Variants in PTPRD observed in about 807,000 individuals in gnomAD.
The protein encoded by PTPRD is protein tyrosine phosphatase receptor type D.
PTPRD carries 34 observed loss-of-function variants against 214.5 expected under a neutral mutation model. The ratio of observed to expected loss-of-function variants is 0.16; its 90% CI spans 0.12 to 0.21. The LOEUF (loss-of-function observed/expected upper bound fraction) is 0.21. Ranked by LOEUF, PTPRD falls within the 10% of genes least tolerant of loss-of-function variation. The pLI is 1.00. For synonymous variants in PTPRD, 1,128 were observed against 845.7 expected (o/e 1.33, Z -5.79); for missense variants, 2,545 against 2,398.7 (o/e 1.06, Z -1.27).
intron 3 of PTPRD, among the ~76,000 whole-genome samples, chr9:10,131,031 A>T (rs116296414): frequency 1.3e-5 from 2 of 152,310 alleles, no homozygotes; most frequent in African/African-American, 4.8e-5. Context: ...GTATAAGGTG[A>T]TACTAGTGTC....
chr9:9,764,592 C>T (rs963631079), intron 6 of PTPRD, among the ~76,000 whole-genome samples: 2 of 151,846 alleles, frequency 1.3e-5, no homozygotes, highest in Admixed American at 6.6e-5. Flanking sequence ...CAGCTGATTA[C>T]AGAAATGGAA....
At chr9:8,488,928 C>T (rs1427242048) in intron 27 of PTPRD, among the ~76,000 whole-genome samples, 1 of 150,568 alleles carries the variant, frequency 6.6e-6, no homozygotes, top group Non-Finnish European at 1.5e-5. Context: ...ACAGATTAAA[C>T]ATATTTATTA....
At chr9:10,345,756 T>G (rs2097065477) in intron 2 of PTPRD, among the ~76,000 whole-genome samples, 1 of 152,216 alleles carries the variant, frequency 6.6e-6, no homozygotes, top group Non-Finnish European at 1.5e-5. Context: ...GTAGAATGAT[T>G]TGTAATCCTT....
intron 6 of PTPRD, among the ~76,000 whole-genome samples, chr9:9,750,690 C>A (rs1014396450): frequency 2.0e-5 from 3 of 152,032 alleles, no homozygotes; most frequent in African/African-American, 7.2e-5. Flanking sequence ...CATAAGAAAT[C>A]TTAAATAAGT....
At chr9:9,150,889 G>A (rs10122529) in intron 10 of PTPRD, among the ~76,000 whole-genome samples, 10,143 of 152,160 alleles carry the variant, frequency 0.067, 607 homozygotes, top group East Asian at 0.21. Flanking sequence ...TCCTTGGGGC[G>A]GCCTGTTGAT....
intron 5 of PTPRD, among the ~76,000 whole-genome samples, chr9:9,785,760 T>C (rs1413143993): frequency 1.3e-5 from 2 of 152,146 alleles, no homozygotes; most frequent in Non-Finnish European, 2.9e-5. Flanking sequence ...CCAGTGTTAA[T>C]TATACAATTG....
chr9:9,741,831 A>T lies in PTPRD; in HGVS notation c.-325-7260T>A, dbSNP rs1246162252. ...TAGTATTCCATGGTGTATATGTACC[A>T]CATTTTCTTTATCCAGTCTATCATT... On this transcript the variant is annotated intron_variant, in intron 6 of 45. Coordinates refer to ENST00000381196, the MANE Select transcript of PTPRD (RefSeq NM_002839.4). Among the ~76,000 whole-genome samples the T allele has an allele frequency of 2.0e-5, 3 of 152,252 alleles. No homozygotes were observed. The East Asian group carries it at 5.8e-4, about 29-fold the overall frequency.
intron 5 of PTPRD, among the ~76,000 whole-genome samples, chr9:9,812,130 T>A (rs1293172654): frequency 2.0e-5 from 2 of 102,498 alleles, no homozygotes; most frequent in East Asian, 1.5e-3. Context: ...TTAATGAAGG[T>A]ATATGCATTT....
intron 9 of PTPRD, among the ~76,000 whole-genome samples, chr9:9,273,536 C>A (rs760994728): frequency 6.6e-6 from 1 of 151,236 alleles, no homozygotes; most frequent in African/African-American, 2.4e-5. Context: ...ATTTACTATT[C>A]TAATGGAATT....
intron 9 of PTPRD, among the ~76,000 whole-genome samples, chr9:9,355,281 G>A (rs959121245): frequency 6.6e-6 from 1 of 151,662 alleles, no homozygotes; most frequent in Non-Finnish European, 1.5e-5. Flanking sequence ...AGATGAGAAT[G>A]AATTATAATG....
At chr9:10,270,376 CAAGTT>C (rs2094350167) in intron 3 of PTPRD, among the ~76,000 whole-genome samples, 1 of 152,060 alleles carries the variant, frequency 6.6e-6, no homozygotes, top group Non-Finnish European at 1.5e-5. Flanking sequence ...GCAATAGTCT[CAAGTT>C]AAGAAAATAT....
At chr9:8,959,740 T>C (rs1449235179) in intron 11 of PTPRD, among the ~76,000 whole-genome samples, 1 of 152,076 alleles carries the variant, frequency 6.6e-6, no homozygotes, top group Non-Finnish European at 1.5e-5. Context: ...TATCAAATCC[T>C]CCACTAAGCC....
At position 10,452,024 on chromosome 9, in the gene PTPRD, A is replaced by C. The variant is rs12003909; in HGVS notation, c.-599-111007T>G. 7.5e-3 allele frequency among the ~76,000 whole-genome samples: 1,144 copies of C among 152,134 alleles called. 8 individuals carry two copies. The highest frequency in any genetic ancestry group is 0.026 in the African/African-American group (1,080 of 41,562). ...TTAGCTTCTGAATTAAAAATTCCTT[A>C]CACTTCTTATTTATATCCTTAATAA... is the stretch of plus-strand genomic sequence containing the variant. On this transcript the variant is annotated intron_variant, in intron 2 of 45. Transcript: ENST00000381196.
chr9:8,856,623 G>C (rs1185672695), intron 11 of PTPRD, among the ~76,000 whole-genome samples: 1 of 152,188 alleles, frequency 6.6e-6, no homozygotes, highest in Non-Finnish European at 1.5e-5. Flanking sequence ...GCAAACTGTA[G>C]ATGAGGCTGG....
At chr9:8,884,258 C>T (rs190476489) in intron 11 of PTPRD, among the ~76,000 whole-genome samples, 1 of 152,206 alleles carries the variant, frequency 6.6e-6, no homozygotes, top group African/African-American at 2.4e-5. Context: ...TTAGGGCAAA[C>T]TGGGAGAAGG....
chr9:10,493,409 C>A (rs929812867), intron 2 of PTPRD, among the ~76,000 whole-genome samples: 1 of 152,060 alleles, frequency 6.6e-6, no homozygotes, highest in African/African-American at 2.4e-5. Flanking sequence ...ATATATAGAC[C>A]AATGGAACAG....
At chr9:9,864,389 T>C (rs367597989) in intron 5 of PTPRD, among the ~76,000 whole-genome samples, 2 of 151,790 alleles carry the variant, frequency 1.3e-5, no homozygotes, top group Non-Finnish European at 2.9e-5. Flanking sequence ...AAGTTGGGAA[T>C]AGAGGTCTAG....
At chr9:10,304,055 C>A (rs1231407962) in intron 3 of PTPRD, among the ~76,000 whole-genome samples, 1 of 152,166 alleles carries the variant, frequency 6.6e-6, no homozygotes, top group African/African-American at 2.4e-5. Context: ...CATCAAAACG[C>A]TCATCCACCA....
chr9:9,825,997 T>C (rs1300391287), intron 5 of PTPRD, among the ~76,000 whole-genome samples: 2 of 151,760 alleles, frequency 1.3e-5, no homozygotes, highest in Admixed American at 1.3e-4. Context: ...TTTCAATACA[T>C]AGCTTCCAAT....
Sources: allele counts gnomAD v4.1 joint callset (sites outside exome capture counted in the v4.1 genomes callset), GRCh38; gene constraint gnomAD v4.1.1; transcripts MANE v1.5; gene names NCBI Gene and HGNC (gene_info 2026-07-23, HGNC 2026-07-21).